The following WWOX variants were observed in gnomAD, a reference collection of about 807,000 sequenced individuals.
WWOX encodes WW domain-containing oxidoreductase.
Under a neutral mutation model 46.2 loss-of-function variants are expected in WWOX, and 69 were observed. That is an observed-to-expected ratio of 1.49 (90% CI 1.23 to 1.82). WWOX has a LOEUF of 1.82. Ranked by LOEUF, WWOX falls within the 40% of genes most tolerant of loss-of-function variation. The pLI is 0.00. For missense variants in WWOX, 919 were observed against 542.6 expected (o/e 1.69, Z -6.89); for synonymous variants, 359 against 202.6 (o/e 1.77, Z -6.56).
chr16:78,335,161 T>G (rs965679270), intron 5 of WWOX, among the ~76,000 whole-genome samples: 5 of 152,142 alleles, frequency 3.3e-5, no homozygotes, highest in Non-Finnish European at 7.4e-5. Context: ...AGGGTACATG[T>G]GTAAGATGTG....
chr16:79,026,058 C>T (rs1251282302), intron 8 of WWOX, among the ~76,000 whole-genome samples: 1 of 151,574 alleles, frequency 6.6e-6, no homozygotes, highest in South Asian at 2.1e-4. Context: ...GTCTTGGCCT[C>T]CCAAAATGCT....
At position 78,755,328 on chromosome 16, in the gene WWOX, C is replaced by T. The variant is rs376848523; in HGVS notation, c.1056+322576C>T. ...GAATTGGAGAATGTCTTGTACATTT[C>T]GAGAAGGCAATATAGAAAATGCAGT... On this transcript the variant is annotated intron_variant, in intron 8 of 8. Coordinates refer to ENST00000566780, the MANE Select transcript of WWOX (RefSeq NM_016373.4). 1.8e-4 allele frequency among the ~76,000 whole-genome samples: 28 copies of T among 152,028 alleles called. 1 individual carries two copies. In the South Asian group the frequency reaches 2.9e-3, roughly 16 times the overall value.
intron 8 of WWOX, among the ~76,000 whole-genome samples, chr16:79,043,983 A>G (rs577701864): frequency 6.6e-6 from 1 of 152,294 alleles, no homozygotes; most frequent in African/African-American, 2.4e-5. Context: ...GCCAGGGACA[A>G]TGAAACTCTC....
At chr16:78,558,317 C>G (rs1290271743) in intron 8 of WWOX, among the ~76,000 whole-genome samples, 3 of 152,206 alleles carry the variant, frequency 2.0e-5, no homozygotes, top group Non-Finnish European at 4.4e-5. Context: ...TTGTGGATGT[C>G]TTTGGTTTGG....
intron 5 of WWOX, among the ~76,000 whole-genome samples, chr16:78,383,829 C>T (rs2082005247): frequency 6.6e-6 from 1 of 152,170 alleles, no homozygotes; most frequent in Non-Finnish European, 1.5e-5. Flanking sequence ...ACTTGAATCA[C>T]TATCCCCAGG....
chr16:78,479,209 C>T (rs1386133626), intron 8 of WWOX, among the ~76,000 whole-genome samples: 2 of 152,210 alleles, frequency 1.3e-5, no homozygotes, highest in African/African-American at 4.8e-5. Context: ...TGTGTAACTT[C>T]ATCCAATACG....
chr16:78,502,606 A>T (rs771587433), intron 8 of WWOX, among the ~76,000 whole-genome samples: 1 of 152,190 alleles, frequency 6.6e-6, no homozygotes, highest in Non-Finnish European at 1.5e-5. Flanking sequence ...TTTTGTGTCT[A>T]TTATGAATAA....
intron 5 of WWOX, among the ~76,000 whole-genome samples, chr16:78,322,420 G>A (rs753374153): frequency 9.2e-5 from 14 of 152,186 alleles, no homozygotes; most frequent in Admixed American, 2.0e-4. Flanking sequence ...GAGTGTTCGT[G>A]ATCGCCAGGA....
chr16:78,874,684 CTTTTTTTTTTTTT>C (rs552696627), intron 8 of WWOX, among the ~76,000 whole-genome samples: 36 of 83,504 alleles, frequency 4.3e-4, no homozygotes, highest in Admixed American at 1.4e-3. Context: ...AGATTTTTTT[CTTTTTTTTTTTTT>C]TTTTTTTTTT....
At chr16:79,165,916 A>C (rs1020249414) in intron 8 of WWOX, among the ~76,000 whole-genome samples, 4 of 151,936 alleles carry the variant, frequency 2.6e-5, no homozygotes, top group Non-Finnish European at 5.9e-5. Context: ...ATACTAATCA[A>C]CTCAATTACC....
intron 8 of WWOX, among the ~76,000 whole-genome samples, chr16:78,779,818 C>T (rs1279600957): frequency 1.4e-4 from 21 of 152,054 alleles, no homozygotes. Context: ...CCCTCTCTGG[C>T]CCCAAGGAAG....
rs903907659 is a variant in WWOX at position 78,864,908 on chromosome 16, G to A, written c.1057-346700G>A. On this transcript the variant is annotated intron_variant, in intron 8 of 8. Transcript: ENST00000566780. ...CCCCCGAGTAGCTGGGACCACAGGC[G>A]TGCACCACCACACCTGGCTAATTTT... Among the ~76,000 whole-genome samples, 24 of 151,490 alleles carry A rather than the reference G, an allele frequency of 1.6e-4. No homozygotes were observed. The South Asian group carries it at 2.1e-3, about 13-fold the overall frequency.
At chr16:78,121,219 G>T (rs778155408) in intron 4 of WWOX, among the ~76,000 whole-genome samples, 1 of 152,078 alleles carries the variant, frequency 6.6e-6, no homozygotes, top group African/African-American at 2.4e-5. Flanking sequence ...TGAAATAATC[G>T]AAATAACCTT....
intron 8 of WWOX, among the ~76,000 whole-genome samples, chr16:78,638,712 T>G (rs777397028): frequency 3.1e-4 from 47 of 152,154 alleles, no homozygotes; most frequent in Non-Finnish European, 5.3e-4. Flanking sequence ...TCGAATACAT[T>G]AGAGCATTAG....
intron 8 of WWOX, among the ~76,000 whole-genome samples, chr16:78,809,281 C>T (rs1354906194): frequency 1.2e-5 from 1 of 86,930 alleles, no homozygotes; most frequent in Non-Finnish European, 2.4e-5. Flanking sequence ...AGGGGGGAAA[C>T]AGGAACCAAA....
chr16:78,952,505 C>T (rs977043491), intron 8 of WWOX, among the ~76,000 whole-genome samples: 1 of 151,846 alleles, frequency 6.6e-6, no homozygotes, highest in Admixed American at 6.6e-5. Flanking sequence ...GCCTCTGCCT[C>T]CTGAGTAGCT....
chr16:78,862,242 C>T (rs142955841), intron 8 of WWOX, among the ~76,000 whole-genome samples: 2 of 150,684 alleles, frequency 1.3e-5, no homozygotes, highest in Admixed American at 6.6e-5. Flanking sequence ...CTATACACAC[C>T]TATGGGTGTG....
intron 8 of WWOX, among the ~76,000 whole-genome samples, chr16:78,799,237 G>C (rs755054550): frequency 6.6e-6 from 1 of 152,192 alleles, no homozygotes; most frequent in Non-Finnish European, 1.5e-5. Context: ...TCTGGAGTTA[G>C]GCTTGTGTCT....
chr16:79,160,977 G>C (rs1163398931), intron 8 of WWOX, among the ~76,000 whole-genome samples: 3 of 151,984 alleles, frequency 2.0e-5, no homozygotes, highest in African/African-American at 7.3e-5. Context: ...ACGTTTCCTG[G>C]CACCTTGTTT....
Sources: gnomAD v4.1 joint callset for allele counts (sites outside exome capture counted in the v4.1 genomes callset) on GRCh38, gnomAD v4.1.1 for gene constraint, MANE v1.5 for transcripts, NCBI Gene and HGNC (gene_info 2026-07-23, HGNC 2026-07-21) for gene names.